The following SLC4A7 variants were observed in gnomAD, a reference collection of about 807,000 sequenced individuals.
SLC4A7 encodes sodium bicarbonate cotransporter 3.
SLC4A7 carries 51 observed loss-of-function variants against 137.6 expected under a neutral mutation model. The observed-to-expected ratio is 0.37, with a 90% CI of 0.30 to 0.47. SLC4A7 has a LOEUF of 0.47. SLC4A7 is among the 20% of genes least tolerant of loss of function. The pLI is 1.00. For missense variants in SLC4A7, 1,247 were observed against 1,525.4 expected (o/e 0.82, Z 3.04); for synonymous variants, 542 against 518.6 (o/e 1.05, Z -0.61).
intron 1 of SLC4A7, among the ~76,000 whole-genome samples, chr3:27,454,162 T>C (rs958836593): frequency 1.3e-5 from 2 of 152,098 alleles, no homozygotes; most frequent in African/African-American, 4.8e-5. Flanking sequence ...TTAATAAAAT[T>C]TTTAATTAAA....
chr3:27,384,717 C>T (rs925530946), intron 23 of SLC4A7, among the ~76,000 whole-genome samples: 2 of 152,270 alleles, frequency 1.3e-5, no homozygotes, highest in African/African-American at 4.8e-5. Flanking sequence ...AATCCCAGCA[C>T]TGTGGGGGAC....
rs536035500 is a variant in SLC4A7, at chr3:27,456,544, T to C, written c.61-4046A>G. 5 of 786,844 alleles carry C rather than the reference T, an allele frequency of 6.4e-6. No homozygotes were observed. In the African/African-American group the frequency reaches 6.9e-5, roughly 11 times the overall value. The allele number at this position is 786,844 out of a possible 1,614,324, so 48.7% of individuals were successfully genotyped here. A position where few individuals can be genotyped will look rare whatever the true frequency, so the allele number is the denominator to read the frequency against. On this transcript the variant is annotated intron_variant, in intron 1 of 25. Coordinates refer to ENST00000454389, the MANE Select transcript of SLC4A7 (RefSeq NM_001321103.2). Reference sequence around the variant, plus strand: ...CAGCCAAGGACACAAAGGATGATACTATTCTAAGCCAGTGCTAATAAGCCT... The same window carrying C: ...CAGCCAAGGACACAAAGGATGATACCATTCTAAGCCAGTGCTAATAAGCCT...
chr3:27,453,313 T>G (rs566113212), intron 1 of SLC4A7, among the ~76,000 whole-genome samples: 1 of 152,262 alleles, frequency 6.6e-6, no homozygotes, highest in East Asian at 1.9e-4. Flanking sequence ...ACAAATACCC[T>G]TCCCTCAAAA....
chr3:27,479,306 C>T (rs986681786), intron 1 of SLC4A7, among the ~76,000 whole-genome samples: 1 of 151,842 alleles, frequency 6.6e-6, no homozygotes, highest in Admixed American at 6.6e-5. Flanking sequence ...CCCAGCTACT[C>T]AGGAGGCTGA....
At chr3:27,479,539 C>T (rs1250909500) in intron 1 of SLC4A7, among the ~76,000 whole-genome samples, 1 of 152,136 alleles carries the variant, frequency 6.6e-6, no homozygotes, top group Non-Finnish European at 1.5e-5. Context: ...ATCAGCTAGC[C>T]CTCTGCCTTA....
At chr3:27,457,966 C>T (rs1378451640) in intron 1 of SLC4A7, among the ~76,000 whole-genome samples, 2 of 151,906 alleles carry the variant, frequency 1.3e-5, no homozygotes, top group Admixed American at 1.3e-4. Context: ...TGTCAAATGC[C>T]CAAGTATGAT....
chr3:27,441,999 G>A (rs1379868510), intron 3 of SLC4A7, among the ~76,000 whole-genome samples: 3 of 151,226 alleles, frequency 2.0e-5, no homozygotes, highest in Non-Finnish European at 4.4e-5. Flanking sequence ...AGATTCTCCT[G>A]CCTCAGCCTC....
At chr3:27,433,820 T>G in intron 6 of SLC4A7, 96 bp downstream of exon 6, 1 of 1,022,358 alleles carries the variant, frequency 9.8e-7, no homozygotes, top group South Asian at 1.3e-5. Context: ...GTAGGTATAG[T>G]GAGTGTTTAA....
chr3:27,468,643 C>T (rs1375752187), intron 1 of SLC4A7, among the ~76,000 whole-genome samples: 1 of 152,014 alleles, frequency 6.6e-6, no homozygotes. Context: ...GAAATCCTGG[C>T]TCTTCACTTA....
rs753270837 is a variant in SLC4A7 at position 27,403,195 on chromosome 3, T to C, written c.2265A>G (p.Leu755=). ...IYEALEKLFD[L]GETYAFNMHN... ...GCATATTAAATGCATATGTTTCTCC[T>C]AAATCAAAGAGCTTCTCCAAAGCCT... The change falls in exon 15 of 26, where the codon TTA becomes TTG. Residue 755 remains leucine (L), a synonymous_variant. Transcript: ENST00000454389. 3.7e-6 allele frequency: 6 copies of C among 1,613,856 alleles called. No homozygotes were observed. The highest frequency in any genetic ancestry group is 5.1e-6 in the Non-Finnish European group (6 of 1,179,900).
Position 27,404,817 on chromosome 3 carries a change from G to A in SLC4A7, c.2075+13C>T. 1 of 1,571,976 alleles carries A rather than the reference G, an allele frequency of 6.4e-7. No homozygotes were observed. Among genetic ancestry groups the A allele is most frequent in the Non-Finnish European group, 8.7e-7 (1 of 1,151,712 alleles). ...TATAACACATGTGATAAGTAGAGAG[G>A]GCTATTACTTACCTGCAGAATTTAT... On this transcript the variant is annotated intron_variant, in intron 14 of 25. Transcript: ENST00000454389.
intron 7 of SLC4A7, among the ~76,000 whole-genome samples, chr3:27,424,777 A>T (rs2055377292): frequency 1.3e-5 from 2 of 152,226 alleles, no homozygotes; most frequent in African/African-American, 4.8e-5. Context: ...GCAGAGTAAG[A>T]GTTTTATAAC....
intron 1 of SLC4A7, among the ~76,000 whole-genome samples, chr3:27,472,941 G>A (rs190499376): frequency 6.6e-5 from 10 of 152,246 alleles, no homozygotes; most frequent in Admixed American, 5.2e-4. Flanking sequence ...TAAGCTGGGC[G>A]TGGTAGCGCA....
Position 27,411,629 on chromosome 3 carries a change from T to C in SLC4A7, c.1766+13A>G. ...TCCCCCAAACCCTTCAAAATATCAG[T>C]ATTTGCACCCACCGTCCAGTCCTCT... On this transcript the variant is annotated intron_variant, in intron 12 of 25. Coordinates refer to ENST00000454389, the MANE Select transcript of SLC4A7 (RefSeq NM_001321103.2). 1 of 1,417,202 alleles carries C rather than the reference T, an allele frequency of 7.1e-7. No homozygotes were observed. 87.8% of individuals were successfully genotyped at this position (1,417,202 alleles called of 1,614,324 possible). A position where few individuals can be genotyped will look rare whatever the true frequency, so the allele number is the denominator to read the frequency against.
At chr3:27,427,164 G>T (rs551260386) in intron 7 of SLC4A7, among the ~76,000 whole-genome samples, 1 of 152,076 alleles carries the variant, frequency 6.6e-6, no homozygotes, top group Non-Finnish European at 1.5e-5. Flanking sequence ...GCTAGCCAAG[G>T]ATATTGCTAA....
chr3:27,384,116 CTTAT>C lies in SLC4A7; in HGVS notation c.3493-870_3493-867del, dbSNP rs527279889. Among the ~76,000 whole-genome samples, 36 of 152,132 alleles carry C rather than the reference CTTAT, an allele frequency of 2.4e-4. No homozygotes were observed. In the East Asian group the frequency reaches 6.6e-3, roughly 28 times the overall value. ...TGAGAGAACATTCATATTTCTTTTCCTTATTAATAGAAATTTGACTATTTTGAGG... is the reference window on the plus strand; with the variant it reads ...TGAGAGAACATTCATATTTCTTTTCCTAATAGAAATTTGACTATTTTGAGG... On this transcript the variant is annotated intron_variant, in intron 23 of 25. Transcript: ENST00000454389.
In SLC4A7 at chr3:27,411,765, AC is replaced by A. The variant is rs751595103; in HGVS notation, c.1660-18del. Reference sequence around the variant, plus strand: ...TCTCTTTTCCTGAATTTCACAAAAAACATTATTTTCAGAATTCTATTTTAAG... The same window carrying A: ...TCTCTTTTCCTGAATTTCACAAAAAAATTATTTTCAGAATTCTATTTTAAG... On this transcript the variant is annotated intron_variant, in intron 11 of 25. Coordinates refer to ENST00000454389, the MANE Select transcript of SLC4A7 (RefSeq NM_001321103.2). 156 of 1,416,230 alleles carry A rather than the reference AC, an allele frequency of 1.1e-4. No individual in the cohort carries two copies. Among genetic ancestry groups the A allele is most frequent in the Non-Finnish European group, 1.5e-4 (155 of 1,043,068 alleles). 87.7% of individuals were successfully genotyped at this position (1,416,230 alleles called of 1,614,324 possible). A position where few individuals can be genotyped will look rare whatever the true frequency, so the allele number is the denominator to read the frequency against.
intron 1 of SLC4A7, among the ~76,000 whole-genome samples, chr3:27,469,101 C>T (rs555570402): frequency 1.1e-3 from 158 of 149,934 alleles, no homozygotes; most frequent in African/African-American, 3.6e-3. Flanking sequence ...AGGGAGACTG[C>T]GTCTCAATAA....
chr3:27,424,174 A>T (rs1448720821), intron 7 of SLC4A7, 22 bp from the exon 8 acceptor site: 1 of 1,281,316 alleles, frequency 7.8e-7, no homozygotes, highest in Non-Finnish European at 1.1e-6. Flanking sequence ...GACAAATTCC[A>T]AATTAGTAAG....
Sources: allele counts gnomAD v4.1 joint callset (sites outside exome capture counted in the v4.1 genomes callset), GRCh38; gene constraint gnomAD v4.1.1; transcripts MANE v1.5; gene names NCBI Gene and HGNC (gene_info 2026-07-23, HGNC 2026-07-21).